The following KLHL35 variants were observed in gnomAD, a reference collection of about 807,000 sequenced individuals.
KLHL35 encodes kelch like family member 35, also known as kelch-like protein 35.
KLHL35 carries 50 observed loss-of-function variants against 44.0 expected under a neutral mutation model. The ratio of observed to expected loss-of-function variants is 1.14; its 90% CI spans 0.91 to 1.44. The LOEUF is 1.44. KLHL35 is among the 40% of genes most tolerant of loss of function. The probability of loss-of-function intolerance (pLI) is 0.00; values close to 1 mark genes in which losing one functional copy is unlikely to be tolerated. For synonymous variants in KLHL35, 470 were observed against 410.4 expected, an observed-to-expected ratio of 1.15 and a Z score of -1.76; for missense variants, 1,049 against 887.8, an observed-to-expected ratio of 1.18 and a Z score of -2.31.
chr11:75,427,984 C>T (rs540560553), intron 3 of KLHL35, among the ~76,000 whole-genome samples: 104 of 152,314 alleles, frequency 6.8e-4, no homozygotes, highest in African/African-American at 2.4e-3. Flanking sequence ...GTCTTTAGGG[C>T]TTGAGCCTTA....
In KLHL35 at chr11:75,425,518, A is replaced by G. The variant is rs776877907; in HGVS notation, c.1249T>C (p.Phe417Leu). Residue 417 changes from phenylalanine to leucine, a missense_variant, in exon 5 of 7, where the codon TTC becomes CTC. Phe to Leu is a conservative substitution (Grantham distance 22, BLOSUM62 0). Coordinates refer to ENST00000539798, the MANE Select transcript of KLHL35 (RefSeq NM_001039548.3). Reference sequence around the variant, plus strand: ...GCGGCGGCCGCCCAGGTGTTGGAGAAGGGGTCGTAGCGCTCCACGCTGTGC... The same window carrying G: ...GCGGCGGCCGCCCAGGTGTTGGAGAGGGGGTCGTAGCGCTCCACGCTGTGC... The part of the protein sequence containing the change: ...RLHSVERYDP[F>L]SNTWAAAAPL... The G allele has an allele frequency of 7.0e-6, 11 of 1,562,592 alleles. No homozygotes were observed. In the African/African-American group the frequency reaches 1.2e-4, roughly 18 times the overall value.
At position 75,426,915 on chromosome 11, in the gene KLHL35, G is replaced by A. The variant is rs561361651; in HGVS notation, c.1067-277C>T. On this transcript the variant is annotated intron_variant, in intron 3 of 6. Coordinates refer to ENST00000539798, the MANE Select transcript of KLHL35 (RefSeq NM_001039548.3). The stretch of plus-strand genomic sequence containing the variant: ...CACCTTGTGGTGGTGGTGGTGGTGT[G>A]CCAGGCTCTGTGCTCAGGAAAGCAA... 1.0e-3 allele frequency: 322 copies of A among 323,214 alleles called. 1 individual carries two copies. Among genetic ancestry groups the A allele is most frequent in the African/African-American group, 6.1e-3 (294 of 48,074 alleles). 20.0% of individuals were successfully genotyped at this position (323,214 alleles called of 1,614,324 possible).
At chr11:75,428,283 G>GTCACACGCGTAGTTAGCCCTGC (rs1452455934) in intron 3 of KLHL35, among the ~76,000 whole-genome samples, 159 bp downstream of exon 3, 1 of 152,246 alleles carries the variant, frequency 6.6e-6, no homozygotes, top group African/African-American at 2.4e-5. Flanking sequence ...TAAAGGGCGG[G>GTCACACGCGTAGTTAGCCCTGC]TCACACGCGT....
At chr11:75,426,411 G>T in intron 4 of KLHL35, 109 bp downstream of exon 4, 1 of 641,364 alleles carries the variant, frequency 1.6e-6, no homozygotes, top group South Asian at 2.1e-5. Context: ...CCTTTTTTGG[G>T]GGGCTTCAGA....
At chr11:75,424,167 C>T (rs1948472649) in intron 5 of KLHL35, 2 of 382,246 alleles carry the variant, frequency 5.2e-6, no homozygotes, top group South Asian at 8.6e-5. Flanking sequence ...CCTTAAAGGT[C>T]TCCCTGGTGT....
chr11:75,425,252 A>C, intron 5 of KLHL35, 141 bp downstream of exon 5: 1 of 929,630 alleles, frequency 1.1e-6, no homozygotes, highest in Non-Finnish European at 1.5e-6. Context: ...CCTTCCCTGA[A>C]ACATGGAGGT....
At position 75,423,723 on chromosome 11, in the gene KLHL35, C is replaced by G. The variant is rs745365847; in HGVS notation, c.1532G>C (p.Trp511Ser). ...GCTGGGGAGGACAGCTGCCTCCCCC[C>G]ACACATCTGTGCCTGGATCATAGGT... ...IFTYDPGTDV[W>S]GEAAVLPSPV... Residue 511 changes from tryptophan to serine, a missense_variant, in exon 6 of 7, where the codon TGG becomes TCG. By Grantham distance (177) the Trp-to-Ser change is radical (BLOSUM62 -3). Coordinates refer to ENST00000539798, the MANE Select transcript of KLHL35 (RefSeq NM_001039548.3). 1.9e-6 allele frequency: 3 copies of G among 1,613,874 alleles called. No homozygotes were observed. The highest frequency in any genetic ancestry group is 1.7e-4 in the Middle Eastern group (1 of 6,060).
At chr11:75,425,610 C>T (rs371856134) in intron 4 of KLHL35, 29 bp from the exon 5 acceptor site, 43 of 1,444,576 alleles carry the variant, frequency 3.0e-5, no homozygotes, top group South Asian at 1.6e-4. Flanking sequence ...GCCGGGGAGC[C>T]GGGTGCCAGG....
intron 2 of KLHL35, 40 bp from the exon 3 acceptor site, chr11:75,428,666 C>T (rs1294501849): frequency 6.6e-7 from 1 of 1,510,308 alleles, no homozygotes; most frequent in Non-Finnish European, 8.9e-7. Flanking sequence ...GGGCCGCACC[C>T]AAGTTCGGCC....
chr11:75,432,591 G>C (rs1948546076), intron 1 of KLHL35, among the ~76,000 whole-genome samples: 2 of 152,148 alleles, frequency 1.3e-5, no homozygotes, highest in Non-Finnish European at 2.9e-5. Context: ...TTCTTGCAAA[G>C]GTGCCCCACA....
chr11:75,427,099 A>G (rs1309044303), intron 3 of KLHL35, among the ~76,000 whole-genome samples: 1 of 152,218 alleles, frequency 6.6e-6, no homozygotes, highest in Non-Finnish European at 1.5e-5. Context: ...CTTCACCTGC[A>G]CAATTTCATT....
Position 75,422,544 on chromosome 11 carries a change from C to T in KLHL35, c.*36G>A. On this transcript the variant is annotated 3_prime_UTR_variant, in exon 7 of 7. Transcript: ENST00000539798. ...GAGTGTGCATCTGAGCTCCGCCTGCCTCTCCGCCTCCTGGCTCAGGCTGTC... is the reference window on the plus strand; with the variant it reads ...GAGTGTGCATCTGAGCTCCGCCTGCTTCTCCGCCTCCTGGCTCAGGCTGTC... The T allele has an allele frequency of 6.3e-7, 1 of 1,594,436 alleles. No homozygotes were observed. The highest frequency in any genetic ancestry group is 8.6e-7 in the Non-Finnish European group (1 of 1,165,796).
At chr11:75,426,742 G>A in intron 3 of KLHL35, 104 bp from the exon 4 acceptor site, 2 of 704,310 alleles carry the variant, frequency 2.8e-6, no homozygotes, top group Non-Finnish European at 4.8e-6. Flanking sequence ...AGGGTTAAGG[G>A]AAGGCAGCAG....
chr11:75,429,226 C>A (rs1490900853), intron 2 of KLHL35, among the ~76,000 whole-genome samples: 1 of 152,208 alleles, frequency 6.6e-6, no homozygotes, highest in Non-Finnish European at 1.5e-5. Flanking sequence ...ACCCTTTTAG[C>A]CATTGGTTTT....
intron 1 of KLHL35, among the ~76,000 whole-genome samples, chr11:75,430,874 C>G (rs1948532608): frequency 6.6e-6 from 1 of 152,210 alleles, no homozygotes; most frequent in Non-Finnish European, 1.5e-5. Flanking sequence ...AAGCGTTTTC[C>G]TATCGATATC....
In KLHL35 at chr11:75,426,648, G is replaced by A. The variant is rs778796861; in HGVS notation, c.1067-10C>T. The A allele has an allele frequency of 2.6e-6, 4 of 1,559,298 alleles. No homozygotes were observed. The highest frequency in any genetic ancestry group is 3.5e-6 in the Non-Finnish European group (4 of 1,148,984). ...CTGTTGATGTGGCCTCCTAGGGAGA[G>A]AGAAGCAGCTGTTGCCCATCGGCTC... On this transcript the variant is annotated splice_polypyrimidine_tract_variant and intron_variant, in intron 3 of 6. Coordinates refer to ENST00000539798, the MANE Select transcript of KLHL35 (RefSeq NM_001039548.3).
rs778419015 is a variant in KLHL35 at position 75,422,603 on chromosome 11, T to C, written c.1729A>G (p.Ile577Val). 6.2e-7 allele frequency: 1 copy of C among 1,613,486 alleles called. No individual in the cohort carries two copies. Among genetic ancestry groups the C allele is most frequent in the African/African-American group, 1.3e-5 (1 of 75,044 alleles). The change falls in exon 7 of 7, where the codon ATC becomes GTC. Residue 577 changes from isoleucine to valine, a missense_variant. Ile to Val is a conservative substitution (Grantham distance 29, BLOSUM62 3). Coordinates refer to ENST00000539798, the MANE Select transcript of KLHL35 (RefSeq NM_001039548.3). The stretch of plus-strand genomic sequence containing the variant: ...AATCACCTGCCCAAGCTCTGGATGA[T>C]GGTGACACAGCCGTGGGAGCTGGTG... ...RCTSSHGCVT[I>V]IQSLGR
Position 75,426,383 on chromosome 11 carries a change from G to T in KLHL35, c.1185+137C>A, listed in dbSNP as rs1017008270. The T allele has an allele frequency of 1.1e-4, 63 of 573,432 alleles. 1 individual carries two copies. The Admixed American group carries it at 1.3e-3, about 12-fold the overall frequency. 35.5% of individuals were successfully genotyped at this position (573,432 alleles called of 1,614,324 possible). ...TATTATTAGCATCAGCCATTATTAT[G>T]TGACCTTGGACAAGTCTCCTTTTTT... On this transcript the variant is annotated intron_variant, in intron 4 of 6. Transcript: ENST00000539798.
chr11:75,422,496 C>T lies in KLHL35; in HGVS notation c.*84G>A, dbSNP rs1392896304. The stretch of plus-strand genomic sequence containing the variant: ...GGACCATTAAGTTAAGGGCTGTTTG[C>T]GTGGAGGTGCCATGAGGGAGCAGAG... On this transcript the variant is annotated 3_prime_UTR_variant, in exon 7 of 7. Transcript: ENST00000539798. The T allele has an allele frequency of 6.2e-6, 8 of 1,287,376 alleles. No individual in the cohort carries two copies. The highest frequency in any genetic ancestry group is 2.4e-5 in the East Asian group (1 of 42,412). 79.7% of individuals were successfully genotyped at this position (1,287,376 alleles called of 1,614,324 possible).
Sources: allele counts gnomAD v4.1 joint callset (sites outside exome capture counted in the v4.1 genomes callset), GRCh38; gene constraint gnomAD v4.1.1; transcripts MANE v1.5; gene names NCBI Gene and HGNC (gene_info 2026-07-23, HGNC 2026-07-21).